Variants in NEGR1 observed in about 807,000 individuals in gnomAD.
NEGR1 encodes IgLON family member 4.
Under a neutral mutation model 40.9 loss-of-function variants are expected in NEGR1, and 10 were observed. The ratio of observed to expected loss-of-function variants is 0.24; its 90% CI spans 0.15 to 0.42. The LOEUF is 0.42. Among genes scored for constraint, NEGR1 ranks in the 10% least tolerant of loss-of-function variants. The pLI is 1.00. For missense variants in NEGR1, 352 were observed against 438.9 expected, an observed-to-expected ratio of 0.80 and a Z score of 1.77; for synonymous variants, 185 against 166.8, an observed-to-expected ratio of 1.11 and a Z score of -0.84.
At chr1:71,988,843 C>A (rs576996271) in intron 1 of NEGR1, among the ~76,000 whole-genome samples, 1 of 140,208 alleles carries the variant, frequency 7.1e-6, no homozygotes, top group Non-Finnish European at 1.5e-5. Context: ...CGCAGCTAAA[C>A]ATCCATTATT....
chr1:72,244,141 C>T (rs988830911), intron 1 of NEGR1, among the ~76,000 whole-genome samples: 1 of 151,674 alleles, frequency 6.6e-6, no homozygotes, highest in Non-Finnish European at 1.5e-5. Flanking sequence ...GAACATCTTT[C>T]AGTATACATG....
intron 6 of NEGR1, among the ~76,000 whole-genome samples, chr1:71,553,406 A>G (rs1325155742): frequency 1.3e-5 from 2 of 151,558 alleles, no homozygotes; most frequent in Non-Finnish European, 3.0e-5. Context: ...CTTCCTTGGT[A>G]GTTATTTAAA....
chr1:71,708,053 T>C (rs1653964063), intron 3 of NEGR1, among the ~76,000 whole-genome samples: 1 of 151,902 alleles, frequency 6.6e-6, no homozygotes, highest in Non-Finnish European at 1.5e-5. Context: ...GCCCAGACAA[T>C]GAAGGCTACA....
At chr1:71,983,617 A>T (rs1646371595) in intron 1 of NEGR1, among the ~76,000 whole-genome samples, 1 of 152,154 alleles carries the variant, frequency 6.6e-6, no homozygotes. Context: ...AGCCCTTTTC[A>T]ACTGCTAAGT....
chr1:71,678,032 A>AT (rs1169232458), intron 4 of NEGR1, among the ~76,000 whole-genome samples: 3 of 148,276 alleles, frequency 2.0e-5, no homozygotes, highest in African/African-American at 7.5e-5. Context: ...CCATTACTTT[A>AT]TTTTTTATTT....
intron 1 of NEGR1, among the ~76,000 whole-genome samples, chr1:72,166,158 A>G (rs1036932202): frequency 5.3e-5 from 8 of 152,048 alleles, no homozygotes; most frequent in African/African-American, 1.9e-4. Flanking sequence ...CAGCCAGGGA[A>G]TCTTTGAGCG....
intron 1 of NEGR1, among the ~76,000 whole-genome samples, chr1:72,003,638 C>A (rs1316062610): frequency 6.6e-6 from 1 of 151,938 alleles, no homozygotes; most frequent in African/African-American, 2.4e-5. Context: ...ATTAACTAAA[C>A]TTGTTTATCC....
rs78121089 is a variant in NEGR1, at chr1:72,124,039, T to C, written c.176+158280A>G. On this transcript the variant is annotated intron_variant, in intron 1 of 6. Transcript: ENST00000357731. ...TATCATTTATATAGTTTGTATAATCTGAGAGGTAATGTTTCAAGAATTGAA... is the reference window on the plus strand; with the variant it reads ...TATCATTTATATAGTTTGTATAATCCGAGAGGTAATGTTTCAAGAATTGAA... 6.1e-3 allele frequency among the ~76,000 whole-genome samples: 923 copies of C among 152,180 alleles called. 10 individuals are homozygous for C. The highest frequency in any genetic ancestry group is 0.021 in the African/African-American group (880 of 41,550).
At chr1:71,579,464 AC>A (rs1412963759) in intron 6 of NEGR1, among the ~76,000 whole-genome samples, 5 of 152,184 alleles carry the variant, frequency 3.3e-5, no homozygotes, top group Non-Finnish European at 7.3e-5. Context: ...TTATGACATT[AC>A]TGGTTAATCT....
intron 6 of NEGR1, among the ~76,000 whole-genome samples, chr1:71,532,100 C>T (rs1273897915): frequency 2.0e-5 from 3 of 151,468 alleles, no homozygotes; most frequent in African/African-American, 4.8e-5. Context: ...ATGAACTTTT[C>T]AAAGCTGAAT....
intron 6 of NEGR1, 44 bp downstream of exon 6, chr1:71,592,773 C>T (rs1333241763): frequency 2.3e-5 from 35 of 1,538,566 alleles, no homozygotes; most frequent in Non-Finnish European, 3.0e-5. Context: ...TGGATAGGGG[C>T]CCAGAGGCCC....
In NEGR1 at chr1:72,066,433, A is replaced by C. The variant is rs537369955; in HGVS notation, c.177-131122T>G. ...ATTAAGACCACATTTTAACTTTTAT[A>C]GTAACAAGAGAAATAATAAATAATG... On this transcript the variant is annotated intron_variant, in intron 1 of 6. Transcript: ENST00000357731. 1.2e-4 allele frequency among the ~76,000 whole-genome samples: 19 copies of C among 152,340 alleles called. No individual in the cohort carries two copies. In the South Asian group the frequency reaches 3.7e-3, roughly 30 times the overall value.
rs1001251841 is a variant in NEGR1, at chr1:72,280,514, CTT to C, written c.176+1803_176+1804del. 3.3e-5 allele frequency among the ~76,000 whole-genome samples: 5 copies of C among 152,082 alleles called. No individual in the cohort carries two copies. In the South Asian group the frequency reaches 8.3e-4, roughly 25 times the overall value. The stretch of plus-strand genomic sequence containing the variant: ...CTGTTGTTCAAACTTCTAAAACAAA[CTT>C]AACATAAAGAGAAAATACAGGCTTA... On this transcript the variant is annotated intron_variant, in intron 1 of 6. Coordinates refer to ENST00000357731, the MANE Select transcript of NEGR1 (RefSeq NM_173808.3).
intron 2 of NEGR1, among the ~76,000 whole-genome samples, chr1:71,864,262 G>T (rs1293679560): frequency 6.6e-6 from 1 of 152,124 alleles, no homozygotes; most frequent in Non-Finnish European, 1.5e-5. Flanking sequence ...CCACTGTGGA[G>T]CACACAGGCA....
intron 2 of NEGR1, among the ~76,000 whole-genome samples, chr1:71,797,520 T>A (rs1657383519): frequency 6.6e-6 from 1 of 152,174 alleles, no homozygotes; most frequent in South Asian, 2.1e-4. Context: ...TATTTCCTTC[T>A]GTAAAATTTG....
At chr1:71,561,535 G>A (rs776594922) in intron 6 of NEGR1, among the ~76,000 whole-genome samples, 1 of 151,618 alleles carries the variant, frequency 6.6e-6, no homozygotes, top group Non-Finnish European at 1.5e-5. Context: ...CCAATCTCAA[G>A]CCAAATTTGA....
At position 72,103,996 on chromosome 1, in the gene NEGR1, A is replaced by G. The variant is rs1171427607; in HGVS notation, c.177-168685T>C. The stretch of plus-strand genomic sequence containing the variant: ...ATCCATATGTTTTGGTATATAACCA[A>G]TGACTTTGAGGCTTCTGACTGTGCT... On this transcript the variant is annotated intron_variant, in intron 1 of 6. Transcript: ENST00000357731. Among the ~76,000 whole-genome samples the G allele has an allele frequency of 2.0e-5, 3 of 152,178 alleles. No homozygotes were observed. In the East Asian group the frequency reaches 5.8e-4, roughly 29 times the overall value.
rs112370145 is a variant in NEGR1 at position 71,428,915 on chromosome 1, C to A, written c.941-21345G>T. ...ACGATTAAAACAATACATAAAGAAA[C>A]AAATTTTAAAACTCCCTTTGGATTT... On this transcript the variant is annotated intron_variant, in intron 6 of 6. Transcript: ENST00000357731. Among the ~76,000 whole-genome samples, 19 of 151,898 alleles carry A rather than the reference C, an allele frequency of 1.3e-4. No individual in the cohort carries two copies. The South Asian group carries it at 3.9e-3, about 32-fold the overall frequency.
chr1:71,994,996 G>GAAA (rs34098239), intron 1 of NEGR1, among the ~76,000 whole-genome samples: 26 of 111,550 alleles, frequency 2.3e-4, no homozygotes, highest in Admixed American at 2.8e-4. Flanking sequence ...AAATTTACAG[G>GAAA]AAAAAAAAAA....
Sources: gnomAD v4.1 joint callset for allele counts (sites outside exome capture counted in the v4.1 genomes callset) on GRCh38, gnomAD v4.1.1 for gene constraint, MANE v1.5 for transcripts, NCBI Gene and HGNC (gene_info 2026-07-23, HGNC 2026-07-21) for gene names.